VRK2: variants seen among roughly 807,000 people sequenced by gnomAD.
VRK2 encodes the protein serine/threonine-protein kinase VRK2.
VRK2 carries 60 observed loss-of-function variants against 57.6 expected under a neutral mutation model. The observed-to-expected ratio is 1.04, with a 90% confidence interval of 0.85 to 1.29. The LOEUF is 1.29. VRK2 is among the 50% of genes most tolerant of loss of function. The pLI is 0.00. For synonymous variants in VRK2, 231 were observed against 199.2 expected (o/e 1.16, Z -1.35); for missense variants, 705 against 588.1 (o/e 1.20, Z -2.06).
intron 1 of VRK2, among the ~76,000 whole-genome samples, chr2:57,953,393 A>C (rs1348463972): frequency 6.6e-6 from 1 of 152,186 alleles, no homozygotes; most frequent in Non-Finnish European, 1.5e-5. Context: ...ACAGATTCTA[A>C]CTATTGATAG....
rs375075635 is a variant in VRK2 at position 58,090,592 on chromosome 2, T to C, written c.543+869T>C. On this transcript the variant is annotated intron_variant, in intron 7 of 12. Coordinates refer to ENST00000340157, the MANE Select transcript of VRK2 (RefSeq NM_006296.7). ...AACAGGAACTCTCATTTGTTGCTCATGGAAATTTGTTGCTAATGGAAATGC... is the reference window on the plus strand; with the variant it reads ...AACAGGAACTCTCATTTGTTGCTCACGGAAATTTGTTGCTAATGGAAATGC... Among the ~76,000 whole-genome samples the C allele has an allele frequency of 2.2e-4, 34 of 152,200 alleles. No homozygotes were observed. In the East Asian group the frequency reaches 4.3e-3, roughly 19 times the overall value.
intron 1 of VRK2, among the ~76,000 whole-genome samples, chr2:57,913,780 A>AT (rs937177120): frequency 2.6e-5 from 4 of 151,968 alleles, no homozygotes; most frequent in African/African-American, 9.7e-5. Flanking sequence ...ACCAAATTGG[A>AT]TTTTTTTCAT....
rs1684707869 is a variant in VRK2, at chr2:58,159,426, C to T, written c.1260C>T (p.Ile420=). ...AAGTAAACAGTTTCCCACAAAAAAT[C>T]AGCTATACACAATTCCCAAACTCAT... The part of the protein sequence containing the change: ...LNEVNSFPQK[I]SYTQFPNSFY... Residue 420 remains isoleucine, a synonymous_variant, in exon 13 of 13, where the codon ATC becomes ATT. Coordinates refer to ENST00000340157, the MANE Select transcript of VRK2 (RefSeq NM_006296.7). 1.2e-6 allele frequency: 2 copies of T among 1,613,340 alleles called. No individual in the cohort carries two copies. Among genetic ancestry groups the T allele is most frequent in the African/African-American group, 2.7e-5 (2 of 74,874 alleles).
chr2:57,989,351 G>A (rs1672694710), intron 1 of VRK2, among the ~76,000 whole-genome samples: 1 of 152,154 alleles, frequency 6.6e-6, no homozygotes, highest in Admixed American at 6.5e-5. Flanking sequence ...TCTTGACAAA[G>A]TCTCACAGCA....
At chr2:58,046,956 C>A in intron 1 of VRK2, 88 bp downstream of exon 1, 3 of 985,482 alleles carry the variant, frequency 3.0e-6, no homozygotes, top group Non-Finnish European at 3.6e-6. Context: ...AAAGGGCTGC[C>A]GTCGGAGTTA....
intron 2 of VRK2, among the ~76,000 whole-genome samples, chr2:58,082,231 G>T (rs1034551578): frequency 6.6e-5 from 10 of 151,904 alleles, no homozygotes; most frequent in African/African-American, 2.4e-4. Flanking sequence ...GGGATATAAT[G>T]ATTGAAATAG....
intron 7 of VRK2, among the ~76,000 whole-genome samples, chr2:58,111,668 CA>C (rs1675591602): frequency 6.6e-6 from 1 of 152,054 alleles, no homozygotes; most frequent in Non-Finnish European, 1.5e-5. Context: ...CGCAAATAAT[CA>C]CACCTACCTG....
intron 1 of VRK2, among the ~76,000 whole-genome samples, chr2:57,916,972 A>G (rs1042788146): frequency 6.6e-6 from 1 of 152,154 alleles, no homozygotes; most frequent in Non-Finnish European, 1.5e-5. Flanking sequence ...AGAAGCCTAA[A>G]TAAGTGACGA....
upstream of VRK2, among the ~76,000 whole-genome samples, chr2:58,045,922 C>A (rs1026367146): frequency 6.6e-6 from 1 of 152,200 alleles, no homozygotes; most frequent in Non-Finnish European, 1.5e-5. Flanking sequence ...CTGCTCACTG[C>A]AATCTCTGCT....
Position 58,084,900 on chromosome 2 carries a change from C to T in VRK2, c.206C>T (p.Pro69Leu), listed in dbSNP as rs779367998. 19 of 1,579,534 alleles carry T rather than the reference C, an allele frequency of 1.2e-5. No homozygotes were observed. Among genetic ancestry groups the T allele is most frequent in the East Asian group, 2.3e-5 (1 of 43,780 alleles). ...VVKVEYQENGPLFSELKFYQR... is the reference protein window; with the variant it reads ...VVKVEYQENGLLFSELKFYQR... ...TTATAGGAATATCAAGAAAATGGCCCGTTATTTTCAGAACTTAAATTTTAT... is the reference window on the plus strand; with the variant it reads ...TTATAGGAATATCAAGAAAATGGCCTGTTATTTTCAGAACTTAAATTTTAT... Residue 69 changes from proline (P) to leucine (L), a missense_variant, in exon 4 of 13, where the codon CCG (proline) becomes CTG (leucine). Coordinates refer to ENST00000340157, the MANE Select transcript of VRK2 (RefSeq NM_006296.7).
At position 57,983,072 on chromosome 2, in the gene VRK2, G is replaced by A. The variant is rs538525245; in HGVS notation, c.-438-42593G>A. On this transcript the variant is annotated intron_variant, in intron 1 of 15. Transcript: ENST00000417641. Reference sequence around the variant, plus strand: ...CCTGACACTGGGCCACTCTGTCCAGGGTTTCCAACTTCCTCCTTTTTTAGC... The same window carrying A: ...CCTGACACTGGGCCACTCTGTCCAGAGTTTCCAACTTCCTCCTTTTTTAGC... Among the ~76,000 whole-genome samples the A allele has an allele frequency of 2.6e-5, 4 of 152,186 alleles. No individual in the cohort carries two copies. In the South Asian group the frequency reaches 6.2e-4, roughly 24 times the overall value.
At chr2:58,034,797 A>C (rs1273945642) in intron 3 of VRK2, among the ~76,000 whole-genome samples, 5 of 152,004 alleles carry the variant, frequency 3.3e-5, no homozygotes, top group Non-Finnish European at 5.9e-5. Flanking sequence ...AAACAAAAAA[A>C]AAAACTTCAC....
At chr2:57,937,827 C>CTTTTTTTTTTTTTTTTTTTTT in intron 1 of VRK2, among the ~76,000 whole-genome samples, 1 of 89,950 alleles carries the variant, frequency 1.1e-5, no homozygotes. Context: ...GTTTATCTTT[C>CTTTTTTTTTTTTTTTTTTTTT]TTTTTTTTTT....
intron 4 of VRK2, among the ~76,000 whole-genome samples, chr2:58,085,916 T>C (rs529031379): frequency 3.4e-4 from 50 of 147,246 alleles, no homozygotes; most frequent in Non-Finnish European, 2.8e-4. Context: ...CTGCCCAATT[T>C]CTGCTTTTTT....
At chr2:57,952,306 T>C (rs997726289) in intron 1 of VRK2, among the ~76,000 whole-genome samples, 46 of 151,996 alleles carry the variant, frequency 3.0e-4, no homozygotes, top group Non-Finnish European at 1.3e-4. Flanking sequence ...CAGAGAGAAA[T>C]TGATAATACC....
At chr2:57,999,478 G>C (rs1174469465) in intron 1 of VRK2, among the ~76,000 whole-genome samples, 1 of 152,084 alleles carries the variant, frequency 6.6e-6, no homozygotes, top group African/African-American at 2.4e-5. Flanking sequence ...AAATCAAATA[G>C]CTTTGTGTTT....
chr2:57,925,423 T>G (rs904248195), intron 1 of VRK2, among the ~76,000 whole-genome samples: 1 of 152,156 alleles, frequency 6.6e-6, no homozygotes, highest in Non-Finnish European at 1.5e-5. Flanking sequence ...TGATTCAATC[T>G]TGGTAGATTG....
chr2:57,943,407 A>G (rs974806084), intron 1 of VRK2, among the ~76,000 whole-genome samples: 13 of 152,228 alleles, frequency 8.5e-5, no homozygotes, highest in African/African-American at 2.7e-4. Context: ...TAGATTTACA[A>G]GTCAGGCTGT....
At chr2:57,999,405 G>A (rs1473842331) in intron 1 of VRK2, among the ~76,000 whole-genome samples, 3 of 152,054 alleles carry the variant, frequency 2.0e-5, no homozygotes, top group South Asian at 2.1e-4. Flanking sequence ...ATGTATGCAC[G>A]TAATGTTAAC....
Sources: gnomAD v4.1 joint callset for allele counts (sites outside exome capture counted in the v4.1 genomes callset) on GRCh38, gnomAD v4.1.1 for gene constraint, MANE v1.5 for transcripts, NCBI Gene and HGNC (gene_info 2026-07-23, HGNC 2026-07-21) for gene names.